The following CACNA2D1 variants were observed in gnomAD, a reference collection of about 807,000 sequenced individuals.
The protein encoded by CACNA2D1 is calcium voltage-gated channel auxiliary subunit alpha2delta 1.
A neutral mutation model predicts 171.5 loss-of-function variants in CACNA2D1; 53 were observed. The ratio of observed to expected loss-of-function variants is 0.31; its 90% confidence interval spans 0.25 to 0.39. CACNA2D1 has a LOEUF of 0.39. Ranked by LOEUF, CACNA2D1 falls within the 10% of genes least tolerant of loss-of-function variation. The pLI is 1.00. For synonymous variants in CACNA2D1, 442 were observed against 443.1 expected (o/e 1.00, Z 0.03); for missense variants, 903 against 1,299.8 (o/e 0.69, Z 4.69).
intron 3 of CACNA2D1, among the ~76,000 whole-genome samples, chr7:82,236,008 A>G (rs1803544973): frequency 6.6e-6 from 1 of 152,126 alleles, no homozygotes; most frequent in Admixed American, 6.6e-5. Context: ...AGGTATACAT[A>G]AATTAAGCCT....
At chr7:82,086,230 C>A (rs578005826) in intron 6 of CACNA2D1, among the ~76,000 whole-genome samples, 4 of 152,182 alleles carry the variant, frequency 2.6e-5, no homozygotes, top group Admixed American at 1.3e-4. Context: ...AAAAACAGCG[C>A]CTGTGAAACA....
chr7:82,056,386 G>C (rs1369536849), intron 10 of CACNA2D1, among the ~76,000 whole-genome samples: 1 of 152,140 alleles, frequency 6.6e-6, no homozygotes, highest in African/African-American at 2.4e-5. Context: ...GAAGCATAAA[G>C]ATGTCTTTGT....
intron 6 of CACNA2D1, among the ~76,000 whole-genome samples, chr7:82,114,225 G>A (rs1256739770): frequency 6.6e-6 from 1 of 152,058 alleles, no homozygotes. Context: ...GTTCAAATTT[G>A]TGAGTCAGAT....
chr7:82,192,420 A>G (rs199967908), intron 3 of CACNA2D1, among the ~76,000 whole-genome samples: 2 of 142,662 alleles, frequency 1.4e-5, no homozygotes, highest in African/African-American at 5.4e-5. Flanking sequence ...ATATATATAT[A>G]TGTCTATATG....
chr7:82,186,175 AGAAGGAAG>A lies in CACNA2D1; in HGVS notation c.295-15574_295-15567del, dbSNP rs1199135547. 1.2e-4 allele frequency among the ~76,000 whole-genome samples: 13 copies of A among 111,554 alleles called. No individual in the cohort carries two copies. In the East Asian group the frequency reaches 4.0e-3, roughly 35 times the overall value. 73.2% of individuals were successfully genotyped at this position (111,554 alleles called of 152,430 possible). On this transcript the variant is annotated intron_variant, in intron 3 of 38. Coordinates refer to ENST00000356860, the MANE Select transcript of CACNA2D1 (RefSeq NM_000722.4). The stretch of plus-strand genomic sequence containing the variant: ...CTGTCAAAAAAACAAAAAAAGAGAG[AGAAGGAAG>A]GAAGGAAGGGAGGGAGGGAGGGAGG...
At chr7:82,112,856 G>A (rs796792543) in intron 6 of CACNA2D1, among the ~76,000 whole-genome samples, 5 of 152,182 alleles carry the variant, frequency 3.3e-5, no homozygotes, top group African/African-American at 1.2e-4. Context: ...AAGATACAGC[G>A]GCTATATCTT....
Position 82,129,453 on chromosome 7 carries a change from T to C in CACNA2D1, c.396+7182A>G, listed in dbSNP as rs183080316. Among the ~76,000 whole-genome samples the C allele has an allele frequency of 2.5e-3, 385 of 152,338 alleles. 5 individuals carry two copies. In the South Asian group the frequency reaches 0.028, roughly 11 times the overall value. ...TTAACTTTGTTCCCACATTTTTTAC[T>C]TTTCTGGCATTTGAAGAGTACTTCT... On this transcript the variant is annotated intron_variant, in intron 5 of 38. Coordinates refer to ENST00000356860, the MANE Select transcript of CACNA2D1 (RefSeq NM_000722.4).
chr7:82,068,933 G>C (rs1807986890), intron 7 of CACNA2D1, among the ~76,000 whole-genome samples: 1 of 152,036 alleles, frequency 6.6e-6, no homozygotes, highest in Non-Finnish European at 1.5e-5. Flanking sequence ...ATAATTTACA[G>C]TATGAGCCAG....
At chr7:82,330,414 C>T (rs142599383) in intron 3 of CACNA2D1, among the ~76,000 whole-genome samples, 10 of 152,202 alleles carry the variant, frequency 6.6e-5, no homozygotes, top group African/African-American at 2.4e-4. Flanking sequence ...AAACCCTCCA[C>T]TTTTTAACTT....
At chr7:82,321,693 A>G (rs894813756) in intron 3 of CACNA2D1, among the ~76,000 whole-genome samples, 2 of 152,122 alleles carry the variant, frequency 1.3e-5, no homozygotes, top group African/African-American at 4.8e-5. Flanking sequence ...ACCATCCCCA[A>G]CGCCCCCCAT....
chr7:82,153,845 T>TAA (rs35485872), intron 4 of CACNA2D1, among the ~76,000 whole-genome samples: 91 of 147,926 alleles, frequency 6.2e-4, no homozygotes, highest in South Asian at 3.2e-3. Context: ...GAGCAAACTA[T>TAA]AAAAAAAAAA....
chr7:82,354,480 A>G (rs965701900), intron 1 of CACNA2D1, among the ~76,000 whole-genome samples: 1 of 152,216 alleles, frequency 6.6e-6, no homozygotes, highest in African/African-American at 2.4e-5. Flanking sequence ...TCTTCTCTGG[A>G]AAATGGAAAG....
At chr7:82,390,727 T>C (rs866309732) in intron 1 of CACNA2D1, among the ~76,000 whole-genome samples, 9 of 152,148 alleles carry the variant, frequency 5.9e-5, no homozygotes, top group African/African-American at 1.9e-4. Context: ...CCATTGGTTA[T>C]GGAACAGCAC....
chr7:82,208,912 A>C (rs1800281097), intron 3 of CACNA2D1, among the ~76,000 whole-genome samples: 1 of 152,214 alleles, frequency 6.6e-6, no homozygotes, highest in Admixed American at 6.6e-5. Flanking sequence ...CAATGTTTAC[A>C]TATTTCTAAA....
chr7:82,323,513 C>G (rs888007017), intron 3 of CACNA2D1, among the ~76,000 whole-genome samples: 1 of 152,148 alleles, frequency 6.6e-6, no homozygotes, highest in Non-Finnish European at 1.5e-5. Flanking sequence ...TGCAGTCAGA[C>G]GAGGCTGACT....
intron 12 of CACNA2D1, among the ~76,000 whole-genome samples, 169 bp downstream of exon 12, chr7:82,032,628 A>G (rs570878207): frequency 5.9e-5 from 9 of 151,930 alleles, no homozygotes; most frequent in African/African-American, 1.9e-4. Flanking sequence ...ATTATACTTA[A>G]CAGCTCTCTA....
In CACNA2D1 at chr7:82,332,508, T is replaced by TAGAA. The variant is rs1238319833; in HGVS notation, c.294+2626_294+2627insTTCT. On this transcript the variant is annotated intron_variant, in intron 3 of 38. Coordinates refer to ENST00000356860, the MANE Select transcript of CACNA2D1 (RefSeq NM_000722.4). Reference sequence around the variant, plus strand: ...ACGAAGCATAGAAATAAAAAAGAAATATAAAGAAAGAAAGAAAGAAAGAAA... The same window carrying TAGAA: ...ACGAAGCATAGAAATAAAAAAGAAATAGAAATAAAGAAAGAAAGAAAGAAAGAAA... Among the ~76,000 whole-genome samples, 286 of 34,638 alleles carry TAGAA rather than the reference T, an allele frequency of 8.3e-3. 1 individual carries two copies. Among genetic ancestry groups the TAGAA allele is most frequent in the Middle Eastern group, 0.032 (2 of 62 alleles). 22.7% of individuals were successfully genotyped at this position (34,638 alleles called of 152,430 possible).
At chr7:82,280,382 C>T (rs1350038720) in intron 3 of CACNA2D1, among the ~76,000 whole-genome samples, 1 of 152,080 alleles carries the variant, frequency 6.6e-6, no homozygotes, top group East Asian at 1.9e-4. Context: ...AAACACGAGG[C>T]TCAAGTAATT....
At chr7:82,292,481 C>T (rs969849442) in intron 3 of CACNA2D1, among the ~76,000 whole-genome samples, 7 of 152,056 alleles carry the variant, frequency 4.6e-5, no homozygotes, top group East Asian at 3.9e-4. Flanking sequence ...AAAGGTGCAT[C>T]GGGAAAACAA....
Sources: allele counts gnomAD v4.1 joint callset (sites outside exome capture counted in the v4.1 genomes callset), GRCh38; gene constraint gnomAD v4.1.1; transcripts MANE v1.5; gene names NCBI Gene and HGNC (gene_info 2026-07-23, HGNC 2026-07-21).